TTC34: variants seen among roughly 807,000 people sequenced by gnomAD.
The protein encoded by TTC34 is tetratricopeptide repeat domain 34.
TTC34 carries 44 observed loss-of-function variants against 40.7 expected under a neutral mutation model. That is an observed-to-expected ratio of 1.08 (90% confidence interval 0.85 to 1.39). The LOEUF is 1.39. Among genes scored for constraint, TTC34 ranks in the 40% most tolerant of loss-of-function variants. The probability of loss-of-function intolerance (pLI) is 0.00; values close to 1 mark genes in which losing one functional copy is unlikely to be tolerated. For missense variants in TTC34, 884 were observed against 838.0 expected (o/e 1.05, Z -0.68); for synonymous variants, 422 against 398.6 (o/e 1.06, Z -0.70).
At chr1:2,768,532 C>A (rs959172767) in intron 6 of TTC34, among the ~76,000 whole-genome samples, 1 of 151,670 alleles carries the variant, frequency 6.6e-6, no homozygotes, top group African/African-American at 2.4e-5. Flanking sequence ...TGGAACAGCA[C>A]CCCACAACTG....
At chr1:2,647,449 C>T (rs1639041030) in intron 6 of TTC34, among the ~76,000 whole-genome samples, 1 of 152,044 alleles carries the variant, frequency 6.6e-6, no homozygotes. Flanking sequence ...ATGGTGAAAC[C>T]CCGTCTCTAC....
intron 6 of TTC34, among the ~76,000 whole-genome samples, chr1:2,759,574 G>A (rs1303125711): frequency 9.7e-4 from 116 of 119,598 alleles, no homozygotes; most frequent in African/African-American, 2.4e-3. Context: ...GACGAGCATC[G>A]GACAGCCTGG....
chr1:2,649,502 A>C (rs563543855), intron 6 of TTC34, among the ~76,000 whole-genome samples: 3 of 152,228 alleles, frequency 2.0e-5, no homozygotes, highest in Admixed American at 2.0e-4. Context: ...AGCATTTGAC[A>C]GCCTGGAACA....
chr1:2,768,899 A>G (rs1425187371), intron 6 of TTC34, among the ~76,000 whole-genome samples: 5 of 66,242 alleles, frequency 7.5e-5, no homozygotes, highest in Admixed American at 1.7e-4. Flanking sequence ...AGTACCCTCC[A>G]TGCACAGGTG....
rs1641885097 is a variant in TTC34, at chr1:2,768,695, C to G, written c.2226+14914G>C. The stretch of plus-strand genomic sequence containing the variant: ...AGATTCCAACAGCATGGAACAAGAC[C>G]ACTGCCCCCAGGTGAGCATCTGGCA... On this transcript the variant is annotated intron_variant, in intron 6 of 8. Coordinates refer to ENST00000401095, the Ensembl canonical transcript of TTC34. 2.0e-5 allele frequency among the ~76,000 whole-genome samples: 3 copies of G among 150,166 alleles called. No homozygotes were observed. In the Admixed American group the frequency reaches 2.0e-4, roughly 10 times the overall value.
intron 6 of TTC34, among the ~76,000 whole-genome samples, chr1:2,781,999 C>A (rs1032766002): frequency 3.3e-5 from 5 of 152,160 alleles, no homozygotes; most frequent in African/African-American, 1.2e-4. Flanking sequence ...GCTATGGTAT[C>A]AGGGTAATGC....
At chr1:2,776,019 A>G (rs1643122149) in intron 6 of TTC34, 1 of 122,340 alleles carries the variant, frequency 8.2e-6, no homozygotes, top group Admixed American at 7.7e-5. Context: ...TGAGCATATG[A>G]CAGCCCGGAA....
intron 6 of TTC34, among the ~76,000 whole-genome samples, chr1:2,692,705 C>CA (rs1345320149): frequency 1.8e-5 from 2 of 109,142 alleles, no homozygotes; most frequent in Non-Finnish European, 3.7e-5. Flanking sequence ...AGCACCCACA[C>CA]CCCAGGTGAG....
At chr1:2,777,790 C>T (rs957168319) in intron 6 of TTC34, among the ~76,000 whole-genome samples, 1 of 152,194 alleles carries the variant, frequency 6.6e-6, no homozygotes, top group African/African-American at 2.4e-5. Context: ...ACATGCTAGC[C>T]CTCCAACGTC....
intron 6 of TTC34, among the ~76,000 whole-genome samples, chr1:2,754,772 C>A (rs1367777071): frequency 3.8e-3 from 496 of 129,206 alleles, no homozygotes; most frequent in African/African-American, 9.9e-3. Context: ...TGGAGCAGCA[C>A]CCACACCCAC....
chr1:2,756,663 A>T (rs1487462240), intron 6 of TTC34, among the ~76,000 whole-genome samples: 1 of 26,414 alleles, frequency 3.8e-5, no homozygotes, highest in African/African-American at 1.7e-4. Context: ...AACAGCACCC[A>T]CACCCCCAGG....
At chr1:2,801,627 TC>T (rs1463996622) in exon 1 of TTC34, 1 of 152,012 alleles carries the variant, frequency 6.6e-6, no homozygotes, top group Non-Finnish European at 1.5e-5. Flanking sequence ...GGACCCAGAT[TC>T]CCTCGTGGGT....
At chr1:2,681,406 C>G (rs1640068012) in intron 6 of TTC34, among the ~76,000 whole-genome samples, 1 of 129,152 alleles carries the variant, frequency 7.7e-6, no homozygotes, top group Non-Finnish European at 1.7e-5. Context: ...CATCTGACAA[C>G]CTGGAACAGC....
chr1:2,650,665 C>T (rs1443101681), intron 6 of TTC34, among the ~76,000 whole-genome samples: 1 of 152,050 alleles, frequency 6.6e-6, no homozygotes, highest in Non-Finnish European at 1.5e-5. Context: ...CACCCCACAC[C>T]CCCAGGTGAG....
chr1:2,768,196 G>C (rs1036590075), intron 6 of TTC34, among the ~76,000 whole-genome samples: 1 of 151,878 alleles, frequency 6.6e-6, no homozygotes, highest in Non-Finnish European at 1.5e-5. Context: ...GCCTGGAGCA[G>C]CAGTGCCCAC....
At chr1:2,748,487 G>T (rs1569683107) in intron 6 of TTC34, among the ~76,000 whole-genome samples, 1 of 132,762 alleles carries the variant, frequency 7.5e-6, no homozygotes, top group Non-Finnish European at 1.7e-5. Context: ...ACATCCCCGG[G>T]TGAGCATCCG....
At chr1:2,752,204 C>A (rs1464307304) in intron 6 of TTC34, among the ~76,000 whole-genome samples, 1 of 111,472 alleles carries the variant, frequency 9.0e-6, no homozygotes, top group Non-Finnish European at 1.8e-5. Context: ...GGAACAGAAC[C>A]CACACCCCCA....
chr1:2,750,797 G>A (rs1326693288), intron 6 of TTC34, among the ~76,000 whole-genome samples: 1 of 59,072 alleles, frequency 1.7e-5, no homozygotes, highest in Non-Finnish European at 3.1e-5. Flanking sequence ...GTCTGGAGCA[G>A]CGCCCACACC....
At chr1:2,688,891 AC>A (rs1640496313) in intron 6 of TTC34, among the ~76,000 whole-genome samples, 1 of 80,150 alleles carries the variant, frequency 1.2e-5, no homozygotes, top group Non-Finnish European at 2.3e-5. Context: ...CAGCACCCAC[AC>A]ACCCAGGTGA....
Sources: allele counts gnomAD v4.1 joint callset (sites outside exome capture counted in the v4.1 genomes callset), GRCh38; gene constraint gnomAD v4.1.1; transcripts MANE v1.5; gene names NCBI Gene and HGNC (gene_info 2026-07-23, HGNC 2026-07-21).